The following WNT9A variants were observed in gnomAD, a reference collection of about 807,000 sequenced individuals.
WNT9A encodes protein Wnt-9a.
In WNT9A, 8 loss-of-function variants were observed where a neutral mutation model predicts 31.4. That is an observed-to-expected ratio of 0.26 (90% CI 0.15 to 0.46). The LOEUF (loss-of-function observed/expected upper bound fraction) is 0.46, where lower values mean the gene tolerates loss of function less well. WNT9A is among the 20% of genes least tolerant of loss of function. The pLI is 0.99. For synonymous variants in WNT9A, 236 were observed against 220.1 expected, an observed-to-expected ratio of 1.07 and a Z score of -0.64; for missense variants, 457 against 522.9, an observed-to-expected ratio of 0.87 and a Z score of 1.23.
At chr1:227,934,160 T>C (rs776462914) in intron 1 of WNT9A, among the ~76,000 whole-genome samples, 1 of 152,188 alleles carries the variant, frequency 6.6e-6, no homozygotes, top group Non-Finnish European at 1.5e-5. Context: ...CATTCACACA[T>C]GTGTTTGTGT....
In WNT9A at chr1:227,925,489, G is replaced by A. The variant is rs1194502663; in HGVS notation, c.126C>T (p.Leu42=). Residue 42 remains leucine (L), a synonymous_variant, in exon 2 of 4, where the codon CTC becomes CTT. Transcript: ENST00000272164. This position sits in a 1 kb window ranked among gnomAD's most constrained non-coding sequence, Gnocchi z 6.0. ...GLTGSEPLTI[L]PLTLEPEAAA... is the part of the protein sequence containing the mutation. ...CCGCCTCTGGCTCCAGGGTCAGCGG[G>A]AGGATGGTCAGGGGCTCGCTGCCCG... The A allele has an allele frequency of 2.0e-5, 32 of 1,569,262 alleles. No individual in the cohort carries two copies. The highest frequency in any genetic ancestry group is 2.8e-5 in the Non-Finnish European group (32 of 1,161,840).
Position 227,919,453 on chromosome 1 carries a change from C to T in WNT9A, c.*2065G>A, listed in dbSNP as rs1666268480. ...CAGGGACGGCAGAGACCCACAGCAA[C>T]ATAAATAGGTTTTCTTTTAAAAACA... On this transcript the variant is annotated 3_prime_UTR_variant, in exon 4 of 4. Coordinates refer to ENST00000272164, the MANE Select transcript of WNT9A (RefSeq NM_003395.4). The T allele has an allele frequency of 6.6e-6, 1 of 152,162 alleles. No individual in the cohort carries two copies. Among genetic ancestry groups the T allele is most frequent in the South Asian group, 2.1e-4 (1 of 4,830 alleles). 9.4% of individuals were successfully genotyped at this position (152,162 alleles called of 1,614,324 possible). A position where few individuals can be genotyped will look rare whatever the true frequency, so the allele number is the denominator to read the frequency against.
intron 1 of WNT9A, among the ~76,000 whole-genome samples, chr1:227,933,044 T>C (rs1224159872): frequency 1.3e-5 from 2 of 152,238 alleles, no homozygotes; most frequent in Non-Finnish European, 1.5e-5. Context: ...CTTTGAAGCT[T>C]TGAAGCTAGG....
At chr1:227,933,974 C>T (rs1163653982) in intron 1 of WNT9A, among the ~76,000 whole-genome samples, 6 of 152,184 alleles carry the variant, frequency 3.9e-5, no homozygotes, top group Admixed American at 1.3e-4. Flanking sequence ...CTTATTTCAC[C>T]GAACACAATG....
At chr1:227,939,141 T>C (rs758067121) in intron 1 of WNT9A, among the ~76,000 whole-genome samples, 16 of 152,226 alleles carry the variant, frequency 1.1e-4, no homozygotes, top group South Asian at 2.1e-4. Flanking sequence ...TCAACACCCA[T>C]ACGTGGCTGC....
In WNT9A at chr1:227,925,822, C is replaced by T. The variant is rs907579409; in HGVS notation, c.96-303G>A. The stretch of plus-strand genomic sequence containing the variant: ...CTGGCTGCACTGGACAGATAAGACC[C>T]CCACAACACACACAACATACGCAAG... On this transcript the variant is annotated intron_variant, in intron 1 of 3. Transcript: ENST00000272164. The surrounding 1 kb of genome is among the most constrained non-coding windows in gnomAD (Gnocchi z 6.0). Among the ~76,000 whole-genome samples the T allele has an allele frequency of 6.6e-6, 1 of 152,130 alleles. No individual in the cohort carries two copies. The highest frequency in any genetic ancestry group is 3.2e-3 in the Middle Eastern group (1 of 316).
rs112746139 is a variant in WNT9A, at chr1:227,921,469, G to T, written c.*49C>A. On this transcript the variant is annotated 3_prime_UTR_variant, in exon 4 of 4. Coordinates refer to ENST00000272164, the MANE Select transcript of WNT9A (RefSeq NM_003395.4). ...TGTGCAGGTGTAGACCCTTCACACC[G>T]TGTGCAATGCCTGCACCCTGTGCAG... The T allele has an allele frequency of 1.1e-5, 17 of 1,569,056 alleles. No homozygotes were observed. In the African/African-American group the frequency reaches 1.5e-4, roughly 14 times the overall value.
intron 3 of WNT9A, 29 bp downstream of exon 3, chr1:227,924,109 T>TACC: frequency 2.7e-5 from 30 of 1,105,224 alleles, no homozygotes; most frequent in South Asian, 4.0e-5. Context: ...GACCCTCCCT[T>TACC]CCCACCCCGC....
chr1:227,925,550 C>T lies in WNT9A; in HGVS notation c.96-31G>A, dbSNP rs770226844. The T allele has an allele frequency of 1.4e-6, 2 of 1,476,952 alleles. No individual in the cohort carries two copies. The allele number at this position is 1,476,952 out of a possible 1,614,324, so 91.5% of individuals were successfully genotyped here. ...CACAGAGAGGCCAGCATGAGCCCGGCCCCAGGAAGCCCTGCTGGAGCCTGG... is the reference window on the plus strand; with the variant it reads ...CACAGAGAGGCCAGCATGAGCCCGGTCCCAGGAAGCCCTGCTGGAGCCTGG... On this transcript the variant is annotated intron_variant, in intron 1 of 3. Coordinates refer to ENST00000272164, the MANE Select transcript of WNT9A (RefSeq NM_003395.4). The surrounding 1 kb of genome is among the most constrained non-coding windows in gnomAD (Gnocchi z 6.0).
intron 1 of WNT9A, among the ~76,000 whole-genome samples, chr1:227,947,563 C>A (rs970633561): frequency 2.0e-5 from 3 of 151,364 alleles, no homozygotes; most frequent in African/African-American, 7.2e-5. Flanking sequence ...ACTCTGCGGT[C>A]ACGGAGGACC....
Position 227,925,506 on chromosome 1 carries a change from C to A in WNT9A, c.109G>T (p.Glu37Ter). 6.5e-7 allele frequency: 1 copy of A among 1,549,154 alleles called. No homozygotes were observed. Residue 37 changes from glutamate (E) to a stop codon, truncating the protein, a stop_gained, in exon 2 of 4, where the codon GAG (glutamate) becomes TAG (stop). Coordinates refer to ENST00000272164, the MANE Select transcript of WNT9A (RefSeq NM_003395.4). LOFTEE classifies it high-confidence loss of function. This position sits in a 1 kb window ranked among gnomAD's most constrained non-coding sequence, Gnocchi z 6.0. ...SAAYFGLTGS[E>*]PLTILPLTLE... ...GTCAGCGGGAGGATGGTCAGGGGCT[C>A]GCTGCCCGTCAGCCTGGGCACAGAG... is the stretch of plus-strand genomic sequence containing the variant.
chr1:227,919,377 C>CGG lies in WNT9A; in HGVS notation c.*2139_*2140dup, dbSNP rs1267535914. On this transcript the variant is annotated 3_prime_UTR_variant, in exon 4 of 4. Coordinates refer to ENST00000272164, the MANE Select transcript of WNT9A (RefSeq NM_003395.4). The stretch of plus-strand genomic sequence containing the variant: ...CGGGGATGCAGCTGCAGGCACATGT[C>CGG]GGGGTGCTCTCTGAACCACAGGAGA... The CGG allele has an allele frequency of 6.6e-6, 1 of 152,194 alleles. No individual in the cohort carries two copies. The highest frequency in any genetic ancestry group is 1.9e-4 in the East Asian group (1 of 5,190). The allele number at this position is 152,194 out of a possible 1,614,324, so 9.4% of individuals were successfully genotyped here. A position where few individuals can be genotyped will look rare whatever the true frequency, so the allele number is the denominator to read the frequency against.
In WNT9A at chr1:227,921,260, T is replaced by C. The variant is rs939090607; in HGVS notation, c.*258A>G. On this transcript the variant is annotated 3_prime_UTR_variant, in exon 4 of 4. Coordinates refer to ENST00000272164, the MANE Select transcript of WNT9A (RefSeq NM_003395.4). ...GGCCCAGGGATTCAGCCTTGGCAGG[T>C]GTAGGCCCATTCATGCTCTGTGCAA... 8 of 518,526 alleles carry C rather than the reference T, an allele frequency of 1.5e-5. No homozygotes were observed. The Admixed American group carries it at 1.8e-4, about 11-fold the overall frequency. The allele number at this position is 518,526 out of a possible 1,614,324, so 32.1% of individuals were successfully genotyped here.
rs1364129642 is a variant in WNT9A, at chr1:227,926,010, TGTCTACA to T, written c.96-498_96-492del. Reference sequence around the variant, plus strand: ...TACCCTCTGCCATGACCTGCTGGGATGTCTACAGTCCTGTGGCCCCCTGCAGCTTCCC... The same window carrying T: ...TACCCTCTGCCATGACCTGCTGGGATGTCCTGTGGCCCCCTGCAGCTTCCC... On this transcript the variant is annotated intron_variant, in intron 1 of 3. Coordinates refer to ENST00000272164, the MANE Select transcript of WNT9A (RefSeq NM_003395.4). This position sits in a 1 kb window ranked among gnomAD's most constrained non-coding sequence, Gnocchi z 5.0. 2.6e-5 allele frequency among the ~76,000 whole-genome samples: 4 copies of T among 151,572 alleles called. No homozygotes were observed. Among genetic ancestry groups the T allele is most frequent in the Admixed American group, 6.6e-5 (1 of 15,234 alleles).
chr1:227,922,280 T>G (rs1207328984), intron 3 of WNT9A, among the ~76,000 whole-genome samples: 2 of 152,316 alleles, frequency 1.3e-5, no homozygotes, highest in African/African-American at 4.8e-5. Flanking sequence ...GGGAGGCTCC[T>G]GCCTGATGTC....
chr1:227,939,244 C>T (rs1666652618), intron 1 of WNT9A, among the ~76,000 whole-genome samples: 1 of 152,226 alleles, frequency 6.6e-6, no homozygotes, highest in African/African-American at 2.4e-5. Context: ...GAGGTGGCTC[C>T]AGGGAGCGGT....
chr1:227,929,028 CAT>C (rs1374783377), intron 1 of WNT9A, among the ~76,000 whole-genome samples: 3 of 152,150 alleles, frequency 2.0e-5, no homozygotes, highest in Non-Finnish European at 4.4e-5. Context: ...TGTCTGGATG[CAT>C]ATCTCTTCCT....
At position 227,924,464 on chromosome 1, in the gene WNT9A, C is replaced by T. The variant is rs1012874904; in HGVS notation, c.353-64G>A. ...CCAGAGTTCCCCCTTCACTGTCCTG[C>T]AGCCAAATCACCCCAAGAGTATGAA... On this transcript the variant is annotated intron_variant, in intron 2 of 3. Coordinates refer to ENST00000272164, the MANE Select transcript of WNT9A (RefSeq NM_003395.4). The T allele has an allele frequency of 1.9e-6, 3 of 1,549,554 alleles. No individual in the cohort carries two copies. The South Asian group carries it at 3.7e-5, about 19-fold the overall frequency.
intron 3 of WNT9A, 72 bp downstream of exon 3, chr1:227,924,066 A>ACCCCCCCCCCCCCAC: frequency 3.9e-5 from 1 of 25,380 alleles, no homozygotes; most frequent in South Asian, 7.8e-4. Context: ...CCCCAGTCCC[A>ACCCCCCCCCCCCCAC]CGCCCCACCC....
Sources: allele counts gnomAD v4.1 joint callset (sites outside exome capture counted in the v4.1 genomes callset), GRCh38; gene constraint gnomAD v4.1.1; non-coding constraint Gnocchi (gnomAD v3.1); transcripts MANE v1.5; gene names NCBI Gene and HGNC (gene_info 2026-07-23, HGNC 2026-07-21).